The following KIAA1217 variants were observed in gnomAD, a reference collection of about 807,000 sequenced individuals.
The protein encoded by KIAA1217 is sickle tail protein homolog.
KIAA1217 carries 88 observed loss-of-function variants against 163.9 expected under a neutral mutation model. That is an observed-to-expected ratio of 0.54 (90% CI 0.45 to 0.64). The LOEUF is 0.64. Ranked by LOEUF, KIAA1217 falls within the 30% of genes least tolerant of loss-of-function variation. KIAA1217 has a pLI of 0.00. For synonymous variants in KIAA1217, 903 were observed against 923.1 expected (o/e 0.98, Z 0.39); for missense variants, 2,372 against 2,475.0 (o/e 0.96, Z 0.88).
chr10:24,069,559 A>G (rs1240347312), intron 2 of KIAA1217, among the ~76,000 whole-genome samples: 1 of 152,190 alleles, frequency 6.6e-6, no homozygotes, highest in Non-Finnish European at 1.5e-5. Context: ...ACTGGGAGCT[A>G]GGAGACATCT....
intron 2 of KIAA1217, among the ~76,000 whole-genome samples, chr10:24,229,750 C>T (rs1009995912): frequency 2.6e-5 from 4 of 152,100 alleles, no homozygotes; most frequent in South Asian, 2.1e-4. Context: ...AACTCCTGAC[C>T]TTGTGATCTA....
intron 1 of KIAA1217, among the ~76,000 whole-genome samples, chr10:23,750,813 AT>A (rs933571397): frequency 6.6e-6 from 1 of 152,132 alleles, no homozygotes; most frequent in African/African-American, 2.4e-5. Flanking sequence ...TGTTGGTCCT[AT>A]TTTACATGAT....
intron 2 of KIAA1217, among the ~76,000 whole-genome samples, chr10:24,168,978 G>A (rs1334780494): frequency 6.6e-6 from 1 of 152,182 alleles, no homozygotes. Flanking sequence ...CAGAGCACAG[G>A]GTCATTCAAG....
intron 2 of KIAA1217, among the ~76,000 whole-genome samples, chr10:24,169,299 G>A (rs555728975): frequency 5.5e-4 from 83 of 152,292 alleles, no homozygotes; most frequent in Non-Finnish European, 1.0e-3. Flanking sequence ...GCCCATGCCC[G>A]TTCTTCCTGA....
At chr10:23,705,109 A>G (rs920517632) in intron 1 of KIAA1217, among the ~76,000 whole-genome samples, 2 of 152,116 alleles carry the variant, frequency 1.3e-5, no homozygotes, top group African/African-American at 4.8e-5. Flanking sequence ...AGAAATGTCT[A>G]TTCAAATTCA....
chr10:24,212,496 G>A (rs535262411), intron 1 of KIAA1217, among the ~76,000 whole-genome samples: 9 of 152,140 alleles, frequency 5.9e-5, no homozygotes, highest in Non-Finnish European at 1.2e-4. Context: ...GATGCCCCCC[G>A]AGGCAGTCCA....
chr10:24,110,499 G>T (rs547883402), intron 2 of KIAA1217, among the ~76,000 whole-genome samples: 2 of 152,002 alleles, frequency 1.3e-5, no homozygotes, highest in South Asian at 4.1e-4. Context: ...CAGTTATGTG[G>T]CTACAGAAGA....
In KIAA1217 at chr10:23,712,008, A is replaced by G. The variant is rs74661332; in HGVS notation, c.-321+16774A>G. Among the ~76,000 whole-genome samples the G allele has an allele frequency of 1.1e-3, 175 of 152,234 alleles. 13 individuals are homozygous for G. The East Asian group carries it at 0.027, about 23-fold the overall frequency. On this transcript the variant is annotated intron_variant, in intron 1 of 18. Transcript: ENST00000376462. ...GACTCCACTTCTGTTGCCTGTCTGC[A>G]GACATTGTCAGAGAATGACCTTCAC...
chr10:24,452,550 C>G (rs928207148), intron 5 of KIAA1217, among the ~76,000 whole-genome samples: 1 of 150,548 alleles, frequency 6.6e-6, no homozygotes, highest in Admixed American at 6.6e-5. Context: ...GGCGTGGTGG[C>G]GGGCGCCTGT....
At chr10:24,197,451 A>G (rs2067042703) in intron 2 of KIAA1217, among the ~76,000 whole-genome samples, 1 of 152,256 alleles carries the variant, frequency 6.6e-6, no homozygotes, top group South Asian at 2.1e-4. Context: ...CTATTAGAGC[A>G]GTGAACTTGT....
In KIAA1217 at chr10:24,193,028, C is replaced by T. The variant is rs146377475; in HGVS notation, c.-170-26598C>T. Among the ~76,000 whole-genome samples the T allele has an allele frequency of 2.6e-5, 4 of 152,274 alleles. No homozygotes were observed. In the East Asian group the frequency reaches 5.8e-4, roughly 22 times the overall value. ...AACTCCTGGGCTTAAGCAATCTTCC[C>T]ATCTCAGCCTCCTGAGTAACTGGGA... On this transcript the variant is annotated intron_variant, in intron 2 of 18. Transcript: ENST00000376462.
At chr10:23,901,640 G>A (rs1039378335) in intron 1 of KIAA1217, among the ~76,000 whole-genome samples, 4 of 152,028 alleles carry the variant, frequency 2.6e-5, no homozygotes, top group Non-Finnish European at 5.9e-5. Context: ...TAGGCATGGC[G>A]GCTCATTCTT....
At chr10:23,875,547 A>T (rs1273111807) in intron 1 of KIAA1217, among the ~76,000 whole-genome samples, 1 of 151,832 alleles carries the variant, frequency 6.6e-6, no homozygotes, top group Non-Finnish European at 1.5e-5. Flanking sequence ...ATGAGGCTTT[A>T]TAAGGATGTA....
intron 3 of KIAA1217, among the ~76,000 whole-genome samples, chr10:24,381,271 C>G (rs2053261931): frequency 1.3e-5 from 2 of 152,140 alleles, no homozygotes; most frequent in African/African-American, 4.8e-5. Context: ...GATTTTGAGG[C>G]TGGGCACTTT....
chr10:23,701,495 G>T (rs1836446429), intron 1 of KIAA1217, among the ~76,000 whole-genome samples: 1 of 152,074 alleles, frequency 6.6e-6, no homozygotes, highest in South Asian at 2.1e-4. Context: ...CTCACTTTTG[G>T]GTTTGCCTCT....
intron 2 of KIAA1217, among the ~76,000 whole-genome samples, chr10:24,334,423 G>A (rs1390614960): frequency 1.5e-5 from 2 of 135,514 alleles, no homozygotes; most frequent in African/African-American, 5.5e-5. Context: ...GAGGGGTGGA[G>A]GAGGGAGGGA....
At chr10:23,988,493 T>G (rs1458897598) in intron 1 of KIAA1217, among the ~76,000 whole-genome samples, 1 of 152,224 alleles carries the variant, frequency 6.6e-6, no homozygotes, top group African/African-American at 2.4e-5. Context: ...CTCTTTCTGC[T>G]TAGAATAACT....
At chr10:24,437,515 A>T (rs950960993) in intron 4 of KIAA1217, among the ~76,000 whole-genome samples, 19 of 152,226 alleles carry the variant, frequency 1.2e-4, no homozygotes, top group African/African-American at 4.6e-4. Context: ...TCTCTGAGCT[A>T]GCCCAGCCGG....
chr10:23,863,409 C>T (rs1437858127), intron 1 of KIAA1217, among the ~76,000 whole-genome samples: 3 of 152,224 alleles, frequency 2.0e-5, no homozygotes, highest in East Asian at 1.9e-4. Context: ...GCTATGTGGG[C>T]TTTTCCATAT....
Sources: gnomAD v4.1 joint callset for allele counts (sites outside exome capture counted in the v4.1 genomes callset) on GRCh38, gnomAD v4.1.1 for gene constraint, MANE v1.5 for transcripts, NCBI Gene and HGNC (gene_info 2026-07-23, HGNC 2026-07-21) for gene names.